The following QTMAN variants were observed in gnomAD, a reference collection of about 807,000 sequenced individuals.
QTMAN encodes the protein queuosine-tRNA mannosyltransferase, also known as tRNA-queuosine alpha-mannosyltransferase.
At chr2:144,015,563 T>C in the QTMAN span, among the ~76,000 whole-genome samples, 3 of 152,170 alleles carry the variant, frequency 2.0e-5, no homozygotes, top group Non-Finnish European at 4.4e-5. Flanking sequence ...ATTGGTCTTG[T>C]TGGAAACTAA....
the QTMAN span, among the ~76,000 whole-genome samples, chr2:143,993,969 C>T: frequency 9.9e-5 from 15 of 152,182 alleles, no homozygotes; most frequent in East Asian, 1.9e-3. Flanking sequence ...TATATGGAGG[C>T]CATATACCCA....
At chr2:144,136,387 GGAAAAGGAAAA>G in the QTMAN span, among the ~76,000 whole-genome samples, 1 of 88,476 alleles carries the variant, frequency 1.1e-5, no homozygotes, top group Non-Finnish European at 2.1e-5. Flanking sequence ...AAAAGGAAAA[GGAAAAGGAAAA>G]GGAAAGGAAA....
chr2:143,954,794 AC>A, the QTMAN span, among the ~76,000 whole-genome samples: 1 of 152,104 alleles, frequency 6.6e-6, no homozygotes, highest in African/African-American at 2.4e-5. Context: ...TGACAATAAT[AC>A]AATTATTCAT....
chr2:144,115,406 C>T, the QTMAN span, among the ~76,000 whole-genome samples: 1 of 152,190 alleles, frequency 6.6e-6, no homozygotes, highest in African/African-American at 2.4e-5. Context: ...CTCTGTAAAA[C>T]CATTCAAGGC....
the QTMAN span, among the ~76,000 whole-genome samples, chr2:144,099,928 C>T: frequency 6.6e-6 from 1 of 152,166 alleles, no homozygotes; most frequent in Non-Finnish European, 1.5e-5. Flanking sequence ...AAGTGTAAGC[C>T]GTGACTCAGC....
chr2:144,091,021 A>G, the QTMAN span, among the ~76,000 whole-genome samples: 1 of 152,048 alleles, frequency 6.6e-6, no homozygotes, highest in Non-Finnish European at 1.5e-5. Context: ...GAACAGAATA[A>G]AGAGTTGAGA....
the QTMAN span, among the ~76,000 whole-genome samples, chr2:143,980,228 C>G: frequency 2.0e-5 from 3 of 152,048 alleles, no homozygotes; most frequent in African/African-American, 7.3e-5. Context: ...GTTGTTTCCC[C>G]CCGTGTCCAT....
chr2:144,067,132 T>A, the QTMAN span, among the ~76,000 whole-genome samples: 1 of 152,230 alleles, frequency 6.6e-6, no homozygotes, highest in African/African-American at 2.4e-5. Context: ...ATGGTCTTTT[T>A]AATCTCCATT....
At chr2:144,133,231 T>TTA in the QTMAN span, among the ~76,000 whole-genome samples, 1 of 31,794 alleles carries the variant, frequency 3.1e-5, no homozygotes, top group Non-Finnish European at 5.9e-5. Flanking sequence ...AAATATATAT[T>TTA]TATATTTATA....
chr2:144,063,426 A>T, the QTMAN span, among the ~76,000 whole-genome samples: 2 of 152,204 alleles, frequency 1.3e-5, no homozygotes, highest in Non-Finnish European at 2.9e-5. Flanking sequence ...TGTTTTTAAA[A>T]ACATTATATA....
chr2:144,018,908 G>A, the QTMAN span, among the ~76,000 whole-genome samples: 1 of 152,196 alleles, frequency 6.6e-6, no homozygotes, highest in East Asian at 1.9e-4. Context: ...ATCTTCAGCT[G>A]TGACCTCCAT....
the QTMAN span, among the ~76,000 whole-genome samples, chr2:144,250,722 T>C: frequency 2.0e-5 from 3 of 150,094 alleles, no homozygotes; most frequent in Non-Finnish European, 4.4e-5. Flanking sequence ...ATATTACTGG[T>C]TAATTTTCCT....
chr2:144,150,208 A>G, the QTMAN span, among the ~76,000 whole-genome samples: 1 of 152,026 alleles, frequency 6.6e-6, no homozygotes. Flanking sequence ...GGCCTTTGAC[A>G]AAAGAGTAAA....
chr2:143,957,553 C>A, the QTMAN span, among the ~76,000 whole-genome samples: 1 of 152,040 alleles, frequency 6.6e-6, no homozygotes, highest in Non-Finnish European at 1.5e-5. Context: ...CGCCTCGCCA[C>A]CCTCCCCCTA....
chr2:144,097,343 G>C, the QTMAN span, among the ~76,000 whole-genome samples: 1 of 152,038 alleles, frequency 6.6e-6, no homozygotes, highest in East Asian at 1.9e-4. Context: ...TTGACCTCTG[G>C]TATTCTTTAA....
the QTMAN span, among the ~76,000 whole-genome samples, chr2:144,012,321 G>A: frequency 1.1e-4 from 16 of 152,156 alleles, no homozygotes; most frequent in Admixed American, 7.2e-4. Context: ...ACCTAAGATC[G>A]ACCTGTAGGA....
the QTMAN span, among the ~76,000 whole-genome samples, chr2:144,131,786 T>C: frequency 6.6e-6 from 1 of 151,876 alleles, no homozygotes; most frequent in African/African-American, 2.4e-5. Context: ...GTAAGACAGT[T>C]TGGGTAGCTA....
chr2:144,276,924 G>A, the QTMAN span, among the ~76,000 whole-genome samples: 2 of 152,166 alleles, frequency 1.3e-5, no homozygotes, highest in Non-Finnish European at 2.9e-5. Flanking sequence ...ATAATTTGGG[G>A]AGTGGCACTG....
At chr2:144,150,438 G>T in the QTMAN span, among the ~76,000 whole-genome samples, 2 of 152,012 alleles carry the variant, frequency 1.3e-5, no homozygotes, top group Non-Finnish European at 2.9e-5. Flanking sequence ...GCTACATATG[G>T]CTATCGAGCA....
Sources: allele counts gnomAD v4.1 joint callset (sites outside exome capture counted in the v4.1 genomes callset), GRCh38; gene constraint gnomAD v4.1.1; transcripts MANE v1.5; gene names NCBI Gene and HGNC (gene_info 2026-07-23, HGNC 2026-07-21).